Variants in TRMT11 observed in about 807,000 individuals in gnomAD.
TRMT11 encodes tRNA methyltransferase 11.
In TRMT11, 53 loss-of-function variants were observed where a neutral mutation model predicts 62.8. The observed-to-expected ratio is 0.84, with a 90% CI of 0.68 to 1.06. TRMT11 has a LOEUF of 1.06. Ranked by LOEUF, TRMT11 falls within the 50% of genes least tolerant of loss-of-function variation. The pLI is 0.00. For synonymous variants in TRMT11, 188 were observed against 190.3 expected (o/e 0.99, Z 0.10); for missense variants, 556 against 553.4 (o/e 1.00, Z -0.05).
chr6:126,248,727 C>T, the TRMT11 span, among the ~76,000 whole-genome samples: 1 of 152,136 alleles, frequency 6.6e-6, no homozygotes, highest in Non-Finnish European at 1.5e-5. Flanking sequence ...ACATGGAACA[C>T]TGCCAACACA....
rs1372533844 is a variant in TRMT11, at chr6:126,099,898, G to T, written c.*1438-12968G>T. Reference sequence around the variant, plus strand: ...AAGAAGTGGTTGTGGGTCTGGAAGAGCTGGGCACCTGCACCAGACTGGGTG... The same window carrying T: ...AAGAAGTGGTTGTGGGTCTGGAAGATCTGGGCACCTGCACCAGACTGGGTG... On this transcript the variant is annotated intron_variant and NMD_transcript_variant, in intron 17 of 22. Transcript: ENST00000648977. Among the ~76,000 whole-genome samples, 3 of 152,336 alleles carry T rather than the reference G, an allele frequency of 2.0e-5. No homozygotes were observed. The South Asian group carries it at 6.2e-4, about 32-fold the overall frequency.
chr6:126,210,962 A>G, the TRMT11 span, among the ~76,000 whole-genome samples: 139 of 147,204 alleles, frequency 9.4e-4, no homozygotes, highest in Non-Finnish European at 1.6e-3. Context: ...GAGGCTAAAA[A>G]GTTAAAGATA....
Position 126,008,428 on chromosome 6 carries a change from A to G in TRMT11, c.716A>G (p.Tyr239Cys), listed in dbSNP as rs1457622516. The stretch of plus-strand genomic sequence containing the variant: ...ATAGCATGTGCTCATTTTGGTGCAT[A>G]TGTGTATGGGACAGACATAGACTAC... ...LLIACAHFGA[Y>C]VYGTDIDYNT... Residue 239 changes from tyrosine (Y) to cysteine (C), a missense_variant, in exon 8 of 13, where the codon TAT (tyrosine) becomes TGT (cysteine). Physicochemically the swap from Tyr to Cys is radical, Grantham distance 194. Coordinates refer to ENST00000334379, the MANE Select transcript of TRMT11 (RefSeq NM_001031712.3). 2.5e-6 allele frequency: 4 copies of G among 1,613,178 alleles called. No homozygotes were observed. Among genetic ancestry groups the G allele is most frequent in the East Asian group, 2.2e-5 (1 of 44,866 alleles).
chr6:126,130,601 T>A (rs1474382304), intron 21 of TRMT11, among the ~76,000 whole-genome samples: 1 of 152,006 alleles, frequency 6.6e-6, no homozygotes, highest in African/African-American at 2.4e-5. Context: ...TAGTCTGTAG[T>A]ACACTTCTGA....
intron 17 of TRMT11, among the ~76,000 whole-genome samples, chr6:126,101,963 G>A (rs74827066): frequency 6.5e-4 from 99 of 152,296 alleles, no homozygotes; most frequent in African/African-American, 2.3e-3. Context: ...CTGAACAACA[G>A]GAAGACTGTA....
intron 17 of TRMT11, among the ~76,000 whole-genome samples, chr6:126,074,590 A>G (rs1320982662): frequency 6.6e-6 from 1 of 152,192 alleles, no homozygotes; most frequent in Non-Finnish European, 1.5e-5. Context: ...GGCCATGGGC[A>G]ATGTCTGTTT....
chr6:126,266,593 A>G, the TRMT11 span, among the ~76,000 whole-genome samples: 1 of 152,142 alleles, frequency 6.6e-6, no homozygotes, highest in Non-Finnish European at 1.5e-5. Context: ...GTTCCTTTTT[A>G]TAAAAGCTAT....
downstream of TRMT11, among the ~76,000 whole-genome samples, chr6:126,206,133 G>A (rs865846294): frequency 2.6e-5 from 4 of 152,076 alleles, no homozygotes; most frequent in African/African-American, 4.8e-5. Context: ...GTCTAACTTC[G>A]AAAATGCTAT....
chr6:126,015,190 A>G (rs188180211), intron 11 of TRMT11, among the ~76,000 whole-genome samples: 109 of 152,056 alleles, frequency 7.2e-4, no homozygotes, highest in African/African-American at 2.6e-3. Flanking sequence ...ATATTAACAT[A>G]TATCTACCTC....
At chr6:126,160,629 C>T (rs1015898578) in intron 21 of TRMT11, among the ~76,000 whole-genome samples, 5 of 152,128 alleles carry the variant, frequency 3.3e-5, no homozygotes, top group Non-Finnish European at 5.9e-5. Flanking sequence ...TGCCAGGGGT[C>T]TCTTTAGTCA....
the TRMT11 span, among the ~76,000 whole-genome samples, chr6:126,242,668 A>G: frequency 6.6e-6 from 1 of 152,326 alleles, no homozygotes; most frequent in East Asian, 1.9e-4. Flanking sequence ...AACCTGACAA[A>G]AACAAGAAAT....
intron 12 of TRMT11, among the ~76,000 whole-genome samples, chr6:126,021,584 A>C (rs1156394457): frequency 6.6e-6 from 1 of 152,196 alleles, no homozygotes; most frequent in African/African-American, 2.4e-5. Flanking sequence ...AACAACTGCT[A>C]TCTAATTAGC....
intron 12 of TRMT11, among the ~76,000 whole-genome samples, chr6:126,021,565 GC>G (rs1795812640): frequency 6.6e-6 from 1 of 152,170 alleles, no homozygotes; most frequent in South Asian, 2.1e-4. Context: ...TTATAAAACA[GC>G]ATTATTAAAC....
upstream of TRMT11, among the ~76,000 whole-genome samples, chr6:126,175,028 T>C (rs2128238230): frequency 6.6e-6 from 1 of 152,348 alleles, no homozygotes; most frequent in South Asian, 2.1e-4. Flanking sequence ...GCAGCTTTCC[T>C]AAGTTGGCTT....
intron 7 of TRMT11, among the ~76,000 whole-genome samples, chr6:126,005,318 TATAAA>T (rs1372994164): frequency 6.6e-6 from 1 of 152,056 alleles, no homozygotes; most frequent in Non-Finnish European, 1.5e-5. Flanking sequence ...GGTAGTATGA[TATAAA>T]GAAAAGAATA....
chr6:126,247,387 C>T, the TRMT11 span, among the ~76,000 whole-genome samples: 5 of 151,426 alleles, frequency 3.3e-5, no homozygotes, highest in East Asian at 1.9e-4. Context: ...CCAAGAAGAA[C>T]GAATGAGTTA....
At chr6:126,108,156 G>C (rs977599808) in intron 17 of TRMT11, among the ~76,000 whole-genome samples, 1 of 152,178 alleles carries the variant, frequency 6.6e-6, no homozygotes, top group African/African-American at 2.4e-5. Flanking sequence ...TCCTTAAGCT[G>C]TTGCTGCTCT....
chr6:126,125,584 T>C (rs1777707923), intron 21 of TRMT11, among the ~76,000 whole-genome samples: 1 of 152,146 alleles, frequency 6.6e-6, no homozygotes. Context: ...GTGCCAACAT[T>C]AGTGAAACAG....
intron 21 of TRMT11, among the ~76,000 whole-genome samples, chr6:126,118,133 C>T (rs1777610963): frequency 6.6e-6 from 1 of 152,098 alleles, no homozygotes; most frequent in Non-Finnish European, 1.5e-5. Context: ...CAGTTAAGTT[C>T]ATCCCAATTA....
Sources: gnomAD v4.1 joint callset for allele counts (sites outside exome capture counted in the v4.1 genomes callset) on GRCh38, gnomAD v4.1.1 for gene constraint, MANE v1.5 for transcripts, NCBI Gene and HGNC (gene_info 2026-07-23, HGNC 2026-07-21) for gene names.